Variants in SLCO3A1 observed in about 807,000 individuals in gnomAD.
SLCO3A1 encodes solute carrier organic anion transporter family member 3A1, also known as PGE1 transporter.
Under a neutral mutation model 63.1 loss-of-function variants are expected in SLCO3A1, and 27 were observed. That is an observed-to-expected ratio of 0.43 (90% confidence interval 0.32 to 0.59). SLCO3A1 has a LOEUF of 0.59. Among genes scored for constraint, SLCO3A1 ranks in the 20% least tolerant of loss-of-function variants. SLCO3A1 has a pLI of 0.09. For missense variants in SLCO3A1, 773 were observed against 945.8 expected, an observed-to-expected ratio of 0.82 and a Z score of 2.40; for synonymous variants, 473 against 409.9, an observed-to-expected ratio of 1.15 and a Z score of -1.86.
chr15:91,889,008 T>TA (rs35585843), intron 1 of SLCO3A1: 135,405 of 330,636 alleles, frequency 0.41, 19,660 homozygotes, highest in African/African-American at 0.73. Flanking sequence ...AGACTGTCTC[T>TA]AAAAAAAAAA....
intron 7 of SLCO3A1, among the ~76,000 whole-genome samples, chr15:92,136,674 A>G (rs1327497838): frequency 6.6e-6 from 1 of 152,140 alleles, no homozygotes; most frequent in South Asian, 2.1e-4. Context: ...CATTTATATG[A>G]TTCAAAAGCC....
intron 3 of SLCO3A1, among the ~76,000 whole-genome samples, chr15:92,103,622 G>A (rs561159317): frequency 3.3e-4 from 50 of 152,066 alleles, no homozygotes; most frequent in Non-Finnish European, 6.3e-4. Flanking sequence ...ACTCTTCTGA[G>A]CATTTTATGT....
intron 2 of SLCO3A1, among the ~76,000 whole-genome samples, chr15:91,964,054 TTAGC>T (rs1383098632): frequency 6.6e-6 from 1 of 152,174 alleles, no homozygotes; most frequent in African/African-American, 2.4e-5. Flanking sequence ...TTACAGTCCT[TTAGC>T]TAGACACAAA....
At chr15:92,114,944 T>A (rs2047775500) in intron 4 of SLCO3A1, among the ~76,000 whole-genome samples, 1 of 152,198 alleles carries the variant, frequency 6.6e-6, no homozygotes, top group African/African-American at 2.4e-5. Context: ...AATGATAATG[T>A]TAAGACGATA....
intron 2 of SLCO3A1, among the ~76,000 whole-genome samples, chr15:91,987,153 T>A (rs2046064126): frequency 6.6e-6 from 1 of 152,146 alleles, no homozygotes; most frequent in Non-Finnish European, 1.5e-5. Flanking sequence ...ACCGTATAGT[T>A]GAGAAGAGTG....
chr15:91,907,013 G>A (rs1898328024), intron 1 of SLCO3A1, among the ~76,000 whole-genome samples: 1 of 151,970 alleles, frequency 6.6e-6, no homozygotes, highest in African/African-American at 2.4e-5. Flanking sequence ...TAAATGTAAG[G>A]AATAATAACA....
chr15:92,154,754 G>A (rs1416752058), intron 9 of SLCO3A1, among the ~76,000 whole-genome samples: 1 of 152,092 alleles, frequency 6.6e-6, no homozygotes, highest in African/African-American at 2.4e-5. Flanking sequence ...AGTGGCCCCA[G>A]CACCCTGGAG....
chr15:91,921,157 C>T (rs1356945319), intron 2 of SLCO3A1, among the ~76,000 whole-genome samples: 1 of 152,230 alleles, frequency 6.6e-6, no homozygotes, highest in Non-Finnish European at 1.5e-5. Flanking sequence ...TCTGAGGTCT[C>T]ATTCCTTGAA....
intron 2 of SLCO3A1, among the ~76,000 whole-genome samples, chr15:91,986,143 G>C (rs1467141209): frequency 6.6e-6 from 1 of 152,196 alleles, no homozygotes; most frequent in Non-Finnish European, 1.5e-5. Context: ...GGCTTTTTGA[G>C]AGATGAGGGA....
In SLCO3A1 at chr15:91,882,030, C is replaced by G. The variant is rs1465128285; in HGVS notation, c.180+27942C>G. On this transcript the variant is annotated intron_variant, in intron 1 of 9. Transcript: ENST00000318445. The surrounding 1 kb of genome is among the most constrained non-coding windows in gnomAD (Gnocchi z 4.4). ...ATGCTTTTCATTGGAGAGTTTGGTT[C>G]TAAAGCAGCCACTGAGACCAATGTT... is the stretch of plus-strand genomic sequence containing the variant. Among the ~76,000 whole-genome samples, 1 of 152,134 alleles carries G rather than the reference C, an allele frequency of 6.6e-6. No homozygotes were observed. Among genetic ancestry groups the G allele is most frequent in the East Asian group, 1.9e-4 (1 of 5,194 alleles).
intron 2 of SLCO3A1, among the ~76,000 whole-genome samples, chr15:91,991,960 A>T (rs1208295073): frequency 6.6e-6 from 1 of 152,238 alleles, no homozygotes; most frequent in Admixed American, 6.5e-5. Flanking sequence ...AAAAAGAAAT[A>T]GATAGAAAAG....
chr15:92,159,503 T>C (rs1441860161), intron 9 of SLCO3A1, among the ~76,000 whole-genome samples: 1 of 151,880 alleles, frequency 6.6e-6, no homozygotes, highest in Non-Finnish European at 1.5e-5. Context: ...AAAAATTTAT[T>C]TCATCTCTAC....
At chr15:92,017,289 G>T (rs982277780) in intron 2 of SLCO3A1, among the ~76,000 whole-genome samples, 10 of 152,076 alleles carry the variant, frequency 6.6e-5, no homozygotes, top group Admixed American at 2.6e-4. Flanking sequence ...TGGGATTGGG[G>T]GGGGGTAGGG....
intron 2 of SLCO3A1, among the ~76,000 whole-genome samples, chr15:91,952,854 A>G (rs761459426): frequency 8.6e-5 from 13 of 152,046 alleles, no homozygotes; most frequent in Non-Finnish European, 1.5e-4. Flanking sequence ...TCTAATTCCC[A>G]TTGACCGCAT....
At position 92,164,639 on chromosome 15, in the gene SLCO3A1, G is replaced by A. The variant is rs1380439870; in HGVS notation, c.*1504G>A. 5.1e-6 allele frequency: 5 copies of A among 985,174 alleles called. No homozygotes were observed. Among genetic ancestry groups the A allele is most frequent in the Non-Finnish European group, 1.2e-6 (1 of 829,900 alleles). 61.0% of individuals were successfully genotyped at this position (985,174 alleles called of 1,614,324 possible). A position where few individuals can be genotyped will look rare whatever the true frequency, so the allele number is the denominator to read the frequency against. On this transcript the variant is annotated 3_prime_UTR_variant, in exon 10 of 10. Transcript: ENST00000318445. ...TCTCTGATAACGAATAGACCCACAAGCTCCTGGAAGCTGTCGTGTGTCCAA... is the reference window on the plus strand; with the variant it reads ...TCTCTGATAACGAATAGACCCACAAACTCCTGGAAGCTGTCGTGTGTCCAA...
Position 91,975,780 on chromosome 15 carries a change from G to A in SLCO3A1, c.646+59322G>A, listed in dbSNP as rs569914564. 5.9e-5 allele frequency among the ~76,000 whole-genome samples: 9 copies of A among 152,318 alleles called. No individual in the cohort carries two copies. In the East Asian group the frequency reaches 1.2e-3, roughly 20 times the overall value. On this transcript the variant is annotated intron_variant, in intron 2 of 9. Transcript: ENST00000318445. Reference sequence around the variant, plus strand: ...CCCTTACAGCCACCCAGTGGTGGACGCTCCAAGGCAGGCAAGAGGAGCAGC... The same window carrying A: ...CCCTTACAGCCACCCAGTGGTGGACACTCCAAGGCAGGCAAGAGGAGCAGC...
At chr15:92,104,901 A>G (rs1361517296) in intron 4 of SLCO3A1, among the ~76,000 whole-genome samples, 3 of 151,902 alleles carry the variant, frequency 2.0e-5, no homozygotes, top group Non-Finnish European at 2.9e-5. Flanking sequence ...CAATAAAGGA[A>G]TTTTGAAGTT....
At chr15:91,940,742 A>T (rs1430610996) in intron 2 of SLCO3A1, among the ~76,000 whole-genome samples, 6 of 152,076 alleles carry the variant, frequency 3.9e-5, no homozygotes, top group Non-Finnish European at 8.8e-5. Flanking sequence ...ATCCTCCACA[A>T]CCCAGAGAAT....
At chr15:92,074,554 A>G (rs963270883) in intron 2 of SLCO3A1, among the ~76,000 whole-genome samples, 15 of 152,144 alleles carry the variant, frequency 9.9e-5, no homozygotes, top group Non-Finnish European at 1.9e-4. Context: ...GCTATTTACC[A>G]GTCTGTCTTG....
Sources: gnomAD v4.1 joint callset for allele counts (sites outside exome capture counted in the v4.1 genomes callset) on GRCh38, gnomAD v4.1.1 for gene constraint, Gnocchi (gnomAD v3.1) non-coding constraint, MANE v1.5 for transcripts, NCBI Gene and HGNC (gene_info 2026-07-23, HGNC 2026-07-21) for gene names.